The following BLTP3A variants were observed in gnomAD, a reference collection of about 807,000 sequenced individuals.
The protein encoded by BLTP3A is ICBP90 binding protein 1.
At chr6:34,857,448 C>T in the BLTP3A span, 1 of 1,614,086 alleles carries the variant, frequency 6.2e-7, no homozygotes, top group Middle Eastern at 1.6e-4. Flanking sequence ...AGTATTACTT[C>T]CCAGATAATC....
the BLTP3A span, among the ~76,000 whole-genome samples, chr6:34,852,465 G>T: frequency 6.6e-6 from 1 of 152,132 alleles, no homozygotes; most frequent in Non-Finnish European, 1.5e-5. Context: ...TCAAGACTCT[G>T]CCTGGTGCCC....
At chr6:34,867,746 G>C in the BLTP3A span, 8 of 1,256,878 alleles carry the variant, frequency 6.4e-6, no homozygotes, top group African/African-American at 9.3e-5. Context: ...GCAGCCATTA[G>C]GGGGAGGAAA....
At chr6:34,871,284 GT>G in the BLTP3A span, among the ~76,000 whole-genome samples, 1 of 152,178 alleles carries the variant, frequency 6.6e-6, no homozygotes, top group Admixed American at 6.5e-5. Context: ...CTCTGTCAGT[GT>G]TATAGTGGTA....
the BLTP3A span, chr6:34,858,364 T>G: frequency 6.2e-7 from 1 of 1,614,184 alleles, no homozygotes; most frequent in Non-Finnish European, 8.5e-7. Context: ...GCATCATGCC[T>G]TTCAGATGGA....
the BLTP3A span, among the ~76,000 whole-genome samples, chr6:34,855,254 AG>A: frequency 3.1e-3 from 470 of 152,284 alleles, 4 homozygotes; most frequent in African/African-American, 0.011. Context: ...TGTTGTGTTG[AG>A]GGAAAATAAT....
the BLTP3A span, among the ~76,000 whole-genome samples, chr6:34,807,015 G>A: frequency 6.6e-6 from 1 of 152,146 alleles, no homozygotes; most frequent in Admixed American, 6.6e-5. Context: ...AGTGGAATAG[G>A]CCTTCCTTTT....
At chr6:34,835,533 G>A in the BLTP3A span, 2 of 1,504,582 alleles carry the variant, frequency 1.3e-6, no homozygotes, top group Admixed American at 2.2e-5. Context: ...TCATACTAAT[G>A]TAGGTGGAAT....
the BLTP3A span, among the ~76,000 whole-genome samples, chr6:34,868,603 A>C: frequency 6.6e-6 from 1 of 151,614 alleles, no homozygotes; most frequent in African/African-American, 2.4e-5. Context: ...AGGCACCTGT[A>C]ATCCCAGCTA....
the BLTP3A span, among the ~76,000 whole-genome samples, chr6:34,838,663 G>T: frequency 3.9e-5 from 6 of 152,192 alleles, no homozygotes; most frequent in South Asian, 1.2e-3. Context: ...ACTTCAAGGA[G>T]GCTGGGCACG....
the BLTP3A span, among the ~76,000 whole-genome samples, chr6:34,805,216 G>A: frequency 6.6e-6 from 1 of 151,954 alleles, no homozygotes; most frequent in Non-Finnish European, 1.5e-5. Flanking sequence ...GAGAGGTCGA[G>A]GCTTCAGTGA....
the BLTP3A span, among the ~76,000 whole-genome samples, chr6:34,811,683 C>G: frequency 0.011 from 1,258 of 119,358 alleles, 48 homozygotes; most frequent in African/African-American, 0.04. Flanking sequence ...GACCCCCCCC[C>G]CCGCATCTCT....
the BLTP3A span, chr6:34,872,636 G>A: frequency 5.4e-6 from 3 of 560,538 alleles, no homozygotes; most frequent in Non-Finnish European, 8.3e-6. Flanking sequence ...AAGCATGATT[G>A]TATCCCAGGA....
At chr6:34,820,019 T>C in the BLTP3A span, among the ~76,000 whole-genome samples, 1 of 152,228 alleles carries the variant, frequency 6.6e-6, no homozygotes, top group Non-Finnish European at 1.5e-5. Context: ...TACAGGTGAC[T>C]GGTTGTTCTT....
At chr6:34,829,247 C>G in the BLTP3A span, among the ~76,000 whole-genome samples, 1 of 152,072 alleles carries the variant, frequency 6.6e-6, no homozygotes, top group Non-Finnish European at 1.5e-5. Context: ...TACATATTAG[C>G]AGTCACTCCT....
At chr6:34,859,366 G>C in the BLTP3A span, 1 of 1,613,984 alleles carries the variant, frequency 6.2e-7, no homozygotes, top group African/African-American at 1.3e-5. Flanking sequence ...TGCTGTGAAT[G>C]GACAGGGTGA....
At chr6:34,861,095 G>C in the BLTP3A span, among the ~76,000 whole-genome samples, 3 of 151,896 alleles carry the variant, frequency 2.0e-5, no homozygotes, top group Admixed American at 1.3e-4. Context: ...TACTCCACAG[G>C]GCTAGGCTGT....
chr6:34,797,785 C>G, the BLTP3A span, among the ~76,000 whole-genome samples: 1 of 152,120 alleles, frequency 6.6e-6, no homozygotes, highest in Non-Finnish European at 1.5e-5. Flanking sequence ...ACAATTTAGT[C>G]CCCATAATAA....
At chr6:34,861,389 A>G in the BLTP3A span, among the ~76,000 whole-genome samples, 1 of 152,162 alleles carries the variant, frequency 6.6e-6, no homozygotes, top group African/African-American at 2.4e-5. Flanking sequence ...GCCTCCCAAA[A>G]TGCTGGGATT....
At chr6:34,871,592 C>A in the BLTP3A span, 8 of 1,611,678 alleles carry the variant, frequency 5.0e-6, no homozygotes, top group Non-Finnish European at 5.9e-6. Flanking sequence ...AGGATGATAT[C>A]CCCCCCATCT....
Sources: gnomAD v4.1 joint callset for allele counts (sites outside exome capture counted in the v4.1 genomes callset) on GRCh38, gnomAD v4.1.1 for gene constraint, MANE v1.5 for transcripts, NCBI Gene and HGNC (gene_info 2026-07-23, HGNC 2026-07-21) for gene names.